The following SIRT1 variants were observed in gnomAD, a reference collection of about 807,000 sequenced individuals.
SIRT1 encodes the protein sirtuin 1, also known as NAD-dependent protein deacetylase sirtuin-1.
SIRT1 carries 24 observed loss-of-function variants against 67.9 expected under a neutral mutation model. The ratio of observed to expected loss-of-function variants is 0.35; its 90% CI spans 0.26 to 0.50. The LOEUF (loss-of-function observed/expected upper bound fraction) is 0.50, where lower values mean the gene tolerates loss of function less well. Among genes scored for constraint, SIRT1 ranks in the 20% least tolerant of loss-of-function variants. SIRT1 has a pLI of 0.98. For synonymous variants in SIRT1, 378 were observed against 350.7 expected, an observed-to-expected ratio of 1.08 and a Z score of -0.87; for missense variants, 873 against 937.2, an observed-to-expected ratio of 0.93 and a Z score of 0.89.
At chr10:67,903,415 T>G (rs34227823) in intron 4 of SIRT1, among the ~76,000 whole-genome samples, 9 of 151,964 alleles carry the variant, frequency 5.9e-5, no homozygotes, top group African/African-American at 2.2e-4. Context: ...GATGGAGTCT[T>G]TCTTTGTCAC....
At chr10:67,888,613 A>G (rs1842522875) in intron 2 of SIRT1, among the ~76,000 whole-genome samples, 1 of 152,204 alleles carries the variant, frequency 6.6e-6, no homozygotes, top group Admixed American at 6.5e-5. Context: ...GATATTAACC[A>G]TAAGAACTTA....
intron 1 of SIRT1, among the ~76,000 whole-genome samples, chr10:67,886,413 C>T: frequency 6.6e-6 from 1 of 151,820 alleles, no homozygotes; most frequent in East Asian, 1.9e-4. Context: ...GGCAACATAG[C>T]GAGACCTCCT....
At position 67,888,915 on chromosome 10, in the gene SIRT1, T is replaced by C. The variant is rs2131848676; in HGVS notation, c.581T>C (p.Ile194Thr). ...PYTFVQQHLM[I>T]GTDPRTILKD... ...ACTTTTGTTCAGCAACATCTTATGA[T>C]TGGCACAGATCCTCGAACAATTCTT... Residue 194 changes from isoleucine to threonine, a missense_variant, in exon 3 of 9, where the codon ATT becomes ACT. Physicochemically the swap from Ile to Thr is moderately conservative, Grantham distance 89. Coordinates refer to ENST00000212015, the MANE Select transcript of SIRT1 (RefSeq NM_012238.5). The C allele has an allele frequency of 1.2e-6, 2 of 1,613,634 alleles. No individual in the cohort carries two copies. The highest frequency in any genetic ancestry group is 2.2e-5 in the East Asian group (1 of 44,856).
At chr10:67,897,414 A>G (rs1842675450) in intron 4 of SIRT1, among the ~76,000 whole-genome samples, 1 of 150,838 alleles carries the variant, frequency 6.6e-6, no homozygotes, top group South Asian at 2.1e-4. Flanking sequence ...TAGCCTCTTG[A>G]GTAGACTTGA....
intron 1 of SIRT1, chr10:67,885,424 TAA>T: frequency 8.2e-7 from 1 of 1,220,786 alleles, no homozygotes; most frequent in East Asian, 3.2e-5. Flanking sequence ...GCAGTCGCTT[TAA>T]AATAAGTTTC....
intron 6 of SIRT1, 61 bp downstream of exon 6, chr10:67,908,186 T>G: frequency 7.0e-7 from 1 of 1,421,040 alleles, no homozygotes; most frequent in Non-Finnish European, 9.9e-7. Flanking sequence ...TTCTTTTGCC[T>G]CAAAATCCTT....
At chr10:67,901,293 C>T (rs1005848404) in intron 4 of SIRT1, among the ~76,000 whole-genome samples, 11 of 152,020 alleles carry the variant, frequency 7.2e-5, no homozygotes, top group Non-Finnish European at 1.0e-4. Flanking sequence ...CCACCATGCC[C>T]GGCTATTTTT....
At chr10:67,905,811 C>T (rs1280427723) in intron 4 of SIRT1, among the ~76,000 whole-genome samples, 1 of 152,120 alleles carries the variant, frequency 6.6e-6, no homozygotes, top group African/African-American at 2.4e-5. Context: ...TGTCATGAAC[C>T]ATTTTCCAGG....
At position 67,908,039 on chromosome 10, in the gene SIRT1, T is replaced by C; in HGVS notation, c.1091-7T>C. The C allele has an allele frequency of 1.2e-6, 2 of 1,610,914 alleles. No individual in the cohort carries two copies. The highest frequency in any genetic ancestry group is 8.5e-7 in the Non-Finnish European group (1 of 1,177,780). Reference sequence around the variant, plus strand: ...TAATAAAGCATATATATGTTGTTTGTTTTTAGGTTCCTTTGCAACAGCATC... The same window carrying C: ...TAATAAAGCATATATATGTTGTTTGCTTTTAGGTTCCTTTGCAACAGCATC... On this transcript the variant is annotated splice_region_variant and splice_polypyrimidine_tract_variant and intron_variant, in intron 5 of 8. Transcript: ENST00000212015.
At chr10:67,913,198 C>T (rs1203038277) in intron 8 of SIRT1, among the ~76,000 whole-genome samples, 167 bp downstream of exon 8, 2 of 152,136 alleles carry the variant, frequency 1.3e-5, no homozygotes, top group African/African-American at 4.8e-5. Flanking sequence ...GGTATCTTAA[C>T]ATGATATGGA....
At chr10:67,911,866 G>A (rs894216349) in intron 7 of SIRT1, among the ~76,000 whole-genome samples, 2 of 133,018 alleles carry the variant, frequency 1.5e-5, no homozygotes, top group Non-Finnish European at 3.1e-5. Flanking sequence ...GCAGTCTCCC[G>A]TGTTCAAGCA....
intron 4 of SIRT1, among the ~76,000 whole-genome samples, chr10:67,904,311 G>T (rs1167224494): frequency 2.0e-5 from 3 of 150,904 alleles, no homozygotes; most frequent in Non-Finnish European, 3.0e-5. Flanking sequence ...TGATTTTTGT[G>T]TTTTTTGTAG....
rs779354477 is a variant in SIRT1, at chr10:67,885,081, G to C, written c.360G>C (p.Leu120Phe). 1 of 1,448,712 alleles carries C rather than the reference G, an allele frequency of 6.9e-7. No homozygotes were observed. Among genetic ancestry groups the C allele is most frequent in the African/African-American group, 1.5e-5 (1 of 67,616 alleles). 89.7% of individuals were successfully genotyped at this position (1,448,712 alleles called of 1,614,324 possible). A position where few individuals can be genotyped will look rare whatever the true frequency, so the allele number is the denominator to read the frequency against. ...GGGAGCCACCGCTGGCCGACAACTT[G>C]TACGACGAAGACGACGACGACGAGG... ...PSREPPLADN[L>F]YDEDDDDEGE... The change falls in exon 1 of 9, where the codon TTG (leucine) becomes TTC (phenylalanine). Residue 120 changes from leucine to phenylalanine, a missense_variant. This residue lies in a region of SIRT1 where 327 missense variants were observed against 283.9 expected (regional missense o/e 1.15). Coordinates refer to ENST00000212015, the MANE Select transcript of SIRT1 (RefSeq NM_012238.5).
At chr10:67,899,277 CA>C (rs1483989943) in intron 4 of SIRT1, among the ~76,000 whole-genome samples, 7 of 151,436 alleles carry the variant, frequency 4.6e-5, no homozygotes, top group Admixed American at 4.6e-4. Flanking sequence ...CCAAAATCCA[CA>C]AAAACCCCAG....
In SIRT1 at chr10:67,916,322, A is replaced by G; in HGVS notation, c.1973A>G (p.Tyr658Cys). ...TACATTTTCCATGGCGCTGAGGTAT[A>G]TTCAGACTCTGAAGATGACGTCTTA... The part of the protein sequence containing the change: ...NRYIFHGAEV[Y>C]SDSEDDVLSS... The change falls in exon 9 of 9, where the codon TAT (tyrosine) becomes TGT (cysteine). Residue 658 changes from tyrosine (Y) to cysteine (C), a missense_variant. By Grantham distance (194) the Tyr-to-Cys change is radical. This residue lies in a region of SIRT1 where 295 missense variants were observed against 294.5 expected (regional missense o/e 1.00). Transcript: ENST00000212015. 6.2e-7 allele frequency: 1 copy of G among 1,613,774 alleles called. No homozygotes were observed. The highest frequency in any genetic ancestry group is 8.5e-7 in the Non-Finnish European group (1 of 1,179,640).
intron 4 of SIRT1, among the ~76,000 whole-genome samples, chr10:67,893,840 G>A (rs536745002): frequency 2.0e-5 from 3 of 152,306 alleles, no homozygotes; most frequent in Non-Finnish European, 2.9e-5. Flanking sequence ...ACCGCGCCCC[G>A]CGCCCTGCCG....
intron 8 of SIRT1, among the ~76,000 whole-genome samples, chr10:67,914,241 C>A (rs1189391517): frequency 6.6e-6 from 1 of 151,628 alleles, no homozygotes; most frequent in Non-Finnish European, 1.5e-5. Flanking sequence ...TCGGCTGATT[C>A]TTGTATTTTT....
chr10:67,893,565 C>T (rs181587798), intron 4 of SIRT1, among the ~76,000 whole-genome samples: 77 of 135,574 alleles, frequency 5.7e-4, no homozygotes, highest in Non-Finnish European at 8.7e-4. Flanking sequence ...TTTTTGGAGA[C>T]GGAGTCTGGC....
At position 67,885,113 on chromosome 10, in the gene SIRT1, A is replaced by G. The variant is rs1406007212; in HGVS notation, c.392A>G (p.Glu131Gly). Residue 131 changes from glutamate (E) to glycine (G), a missense_variant, in exon 1 of 9, where the codon GAG (glutamate) becomes GGG (glycine). This residue lies in a region of SIRT1 where 327 missense variants were observed against 283.9 expected (regional missense o/e 1.15). Transcript: ENST00000212015. ...GAAGACGACGACGACGAGGGCGAGG[A>G]GGAGGAAGAGGCGGCGGCGGCGGCG... ...YDEDDDDEGE[E>G]EEEAAAAAIG... The G allele has an allele frequency of 2.8e-6, 4 of 1,439,320 alleles. No homozygotes were observed. The highest frequency in any genetic ancestry group is 3.0e-5 in the African/African-American group (2 of 66,360). 89.2% of individuals were successfully genotyped at this position (1,439,320 alleles called of 1,614,324 possible). A position where few individuals can be genotyped will look rare whatever the true frequency, so the allele number is the denominator to read the frequency against.
Sources: gnomAD v4.1 joint callset for allele counts (sites outside exome capture counted in the v4.1 genomes callset) on GRCh38, gnomAD v4.1.1 for gene constraint, gnomAD v4.1.1 regional missense constraint, MANE v1.5 for transcripts, NCBI Gene and HGNC (gene_info 2026-07-23, HGNC 2026-07-21) for gene names.